The following LSM14A variants were observed in gnomAD, a reference collection of about 807,000 sequenced individuals.
LSM14A encodes the protein LSM14A mRNA processing body assembly factor.
In LSM14A, 14 loss-of-function variants were observed where a neutral mutation model predicts 52.4. The ratio of observed to expected loss-of-function variants is 0.27; its 90% CI spans 0.18 to 0.42. LSM14A has a LOEUF of 0.42. Among genes scored for constraint, LSM14A ranks in the 10% least tolerant of loss-of-function variants. LSM14A has a pLI of 1.00. For synonymous variants in LSM14A, 185 were observed against 200.3 expected (o/e 0.92, Z 0.64); for missense variants, 417 against 581.8 (o/e 0.72, Z 2.91).
chr19:34,195,029 T>A (rs2070735272), intron 2 of LSM14A, among the ~76,000 whole-genome samples: 1 of 151,974 alleles, frequency 6.6e-6, no homozygotes, highest in Non-Finnish European at 1.5e-5. Flanking sequence ...CTTCAGAATC[T>A]AGGATCCGTG....
intron 1 of LSM14A, among the ~76,000 whole-genome samples, chr19:34,183,520 C>G (rs558921068): frequency 1.3e-5 from 2 of 151,906 alleles, no homozygotes; most frequent in East Asian, 3.9e-4. Flanking sequence ...TATTGCACTC[C>G]AGTCTGGGTG....
intron 1 of LSM14A, among the ~76,000 whole-genome samples, chr19:34,187,594 A>G (rs541354283): frequency 6.6e-6 from 1 of 152,226 alleles, no homozygotes; most frequent in African/African-American, 2.4e-5. Context: ...CCAGCCTGGA[A>G]AATGTTAATA....
At chr19:34,184,067 T>C (rs2069702435) in intron 1 of LSM14A, among the ~76,000 whole-genome samples, 1 of 151,308 alleles carries the variant, frequency 6.6e-6, no homozygotes, top group African/African-American at 2.4e-5. Flanking sequence ...TTTTTTTTTT[T>C]TTTTTGAGAC....
chr19:34,207,689 G>A (rs780271337), intron 3 of LSM14A, among the ~76,000 whole-genome samples: 1 of 151,990 alleles, frequency 6.6e-6, no homozygotes, highest in African/African-American at 2.4e-5. Flanking sequence ...GCGCCACCAC[G>A]CCCAGCTAAT....
intron 1 of LSM14A, among the ~76,000 whole-genome samples, chr19:34,182,769 G>T (rs948392543): frequency 2.7e-5 from 4 of 149,436 alleles, no homozygotes; most frequent in Non-Finnish European, 5.9e-5. Context: ...GTGTGAACCC[G>T]GGAGGCGGAG....
chr19:34,216,465 C>CT (rs1182209616), intron 6 of LSM14A, among the ~76,000 whole-genome samples: 9 of 150,944 alleles, frequency 6.0e-5, no homozygotes, highest in East Asian at 3.9e-4. Flanking sequence ...AGTGGTAGGC[C>CT]TTTTTTTTTC....
intron 1 of LSM14A, among the ~76,000 whole-genome samples, chr19:34,192,123 G>A (rs1461303029): frequency 6.6e-6 from 1 of 151,902 alleles, no homozygotes; most frequent in African/African-American, 2.4e-5. Flanking sequence ...AAATTTCGTG[G>A]TATGAGTTTG....
chr19:34,172,637 G>A lies in LSM14A; in HGVS notation c.-6G>A. On this transcript the variant is annotated 5_prime_UTR_variant, in exon 1 of 10. Transcript: ENST00000544216. ...GCGAGCAGCTGGGAGCGGCGGCGGC[G>A]GCGCCATGAGCGGGGGCACCCCTTA... The A allele has an allele frequency of 1.9e-6, 3 of 1,556,324 alleles. No homozygotes were observed. Among genetic ancestry groups the A allele is most frequent in the East Asian group, 2.6e-5 (1 of 38,406 alleles).
chr19:34,206,474 C>G (rs968940843), intron 3 of LSM14A, among the ~76,000 whole-genome samples: 5 of 151,774 alleles, frequency 3.3e-5, no homozygotes, highest in Non-Finnish European at 7.4e-5. Context: ...CGAGACCAGC[C>G]CAGCCAACAT....
chr19:34,192,316 G>GTGTTTTTTTTTTT (rs2070442714), intron 1 of LSM14A, among the ~76,000 whole-genome samples: 6 of 65,780 alleles, frequency 9.1e-5, no homozygotes, highest in African/African-American at 2.9e-4. Flanking sequence ...CATTCTTTTT[G>GTGTTTTTTTTTTT]TTGTTTTTTT....
intron 9 of LSM14A, among the ~76,000 whole-genome samples, chr19:34,224,704 ATC>A (rs2073249770): frequency 6.6e-6 from 1 of 152,114 alleles, no homozygotes; most frequent in African/African-American, 2.4e-5. Context: ...CCTTTAACCT[ATC>A]TGATTCAAGC....
chr19:34,224,172 C>T (rs1150496), intron 9 of LSM14A, among the ~76,000 whole-genome samples: 52,952 of 151,608 alleles, frequency 0.35, 9,672 homozygotes, highest in African/African-American at 0.4. Context: ...CTACCAAAAA[C>T]ATAAAAAAAA....
chr19:34,204,281 G>A (rs2071522223), intron 3 of LSM14A, among the ~76,000 whole-genome samples: 1 of 151,908 alleles, frequency 6.6e-6, no homozygotes, highest in South Asian at 2.1e-4. Context: ...AATCATACAT[G>A]GTATATTGTT....
chr19:34,183,033 C>T (rs546962382), intron 1 of LSM14A, among the ~76,000 whole-genome samples: 1 of 151,986 alleles, frequency 6.6e-6, no homozygotes, highest in Admixed American at 6.6e-5. Flanking sequence ...TATCCTCCAC[C>T]CTGCTTTTTC....
At chr19:34,220,496 A>C (rs760330715) in intron 8 of LSM14A, among the ~76,000 whole-genome samples, 1 of 152,198 alleles carries the variant, frequency 6.6e-6, no homozygotes, top group Non-Finnish European at 1.5e-5. Flanking sequence ...GTTTGCTGGT[A>C]CCATAAAACT....
intron 1 of LSM14A, among the ~76,000 whole-genome samples, chr19:34,190,871 G>A (rs1271849692): frequency 6.6e-6 from 1 of 151,902 alleles, no homozygotes; most frequent in African/African-American, 2.4e-5. Flanking sequence ...GCTTGTAGTG[G>A]TCTGTTTTTT....
intron 3 of LSM14A, among the ~76,000 whole-genome samples, chr19:34,207,316 T>A (rs2145761809): frequency 6.6e-6 from 1 of 152,224 alleles, no homozygotes; most frequent in South Asian, 2.1e-4. Context: ...GTGGCTGATG[T>A]CTTGGTCATC....
intron 1 of LSM14A, among the ~76,000 whole-genome samples, chr19:34,189,481 G>T (rs1423726490): frequency 1.3e-5 from 2 of 152,134 alleles, no homozygotes; most frequent in African/African-American, 4.8e-5. Flanking sequence ...GGGATGAAAT[G>T]CAATGACATA....
At chr19:34,216,190 G>A (rs1390252411) in intron 6 of LSM14A, among the ~76,000 whole-genome samples, 1 of 152,112 alleles carries the variant, frequency 6.6e-6, no homozygotes, top group East Asian at 1.9e-4. Flanking sequence ...GGGGCGGGCG[G>A]ATCACGAGGT....
Sources: allele counts gnomAD v4.1 joint callset (sites outside exome capture counted in the v4.1 genomes callset), GRCh38; gene constraint gnomAD v4.1.1; transcripts MANE v1.5; gene names NCBI Gene and HGNC (gene_info 2026-07-23, HGNC 2026-07-21).